CDH4: variants seen among roughly 807,000 people sequenced by gnomAD.
CDH4 encodes the protein cadherin-4.
A neutral mutation model predicts 86.0 loss-of-function variants in CDH4; 33 were observed. The ratio of observed to expected loss-of-function variants is 0.38; its 90% CI spans 0.29 to 0.51. The LOEUF is 0.51. Among genes scored for constraint, CDH4 ranks in the 20% least tolerant of loss-of-function variants. The probability of loss-of-function intolerance (pLI) is 0.86; values close to 1 mark genes in which losing one functional copy is unlikely to be tolerated. For missense variants in CDH4, 1,114 were observed against 1,307.4 expected (o/e 0.85, Z 2.28); for synonymous variants, 555 against 549.4 (o/e 1.01, Z -0.14).
chr20:61,552,865 GA>G (rs59080880), intron 2 of CDH4, among the ~76,000 whole-genome samples: 64,918 of 148,510 alleles, frequency 0.44, 14,896 homozygotes, highest in African/African-American at 0.6. Context: ...CCACTGTAAA[GA>G]AAAAAAAAAA....
intron 2 of CDH4, among the ~76,000 whole-genome samples, chr20:61,698,977 C>T (rs2087744209): frequency 6.6e-6 from 1 of 152,262 alleles, no homozygotes; most frequent in Admixed American, 6.5e-5. Context: ...GTGGTTGCAT[C>T]CCGTTACAGA....
At chr20:61,337,965 CA>C (rs988716960) in intron 2 of CDH4, among the ~76,000 whole-genome samples, 16 of 152,088 alleles carry the variant, frequency 1.1e-4, no homozygotes, top group Non-Finnish European at 1.8e-4. Flanking sequence ...ATAGCATTTA[CA>C]GTTTTCTTAT....
At chr20:61,354,329 C>A (rs559499286) in intron 2 of CDH4, among the ~76,000 whole-genome samples, 1 of 152,290 alleles carries the variant, frequency 6.6e-6, no homozygotes, top group African/African-American at 2.4e-5. Flanking sequence ...AATCATTCTC[C>A]TTTGAATTCC....
At chr20:61,411,064 A>G (rs2085116461) in intron 2 of CDH4, among the ~76,000 whole-genome samples, 1 of 149,096 alleles carries the variant, frequency 6.7e-6, no homozygotes, top group Non-Finnish European at 1.5e-5. Context: ...CCATCTTCCT[A>G]CTTGTTAGCC....
intron 2 of CDH4, among the ~76,000 whole-genome samples, chr20:61,674,524 C>G (rs2087425905): frequency 6.6e-6 from 1 of 152,138 alleles, no homozygotes. Flanking sequence ...TCAGCAGGGC[C>G]CACCACTTGG....
chr20:61,522,901 G>A (rs1279486401), intron 2 of CDH4, among the ~76,000 whole-genome samples: 1 of 152,248 alleles, frequency 6.6e-6, no homozygotes. Flanking sequence ...GTGTTCTGCT[G>A]TACACAGAGT....
At chr20:61,806,864 C>T (rs1420866637) in intron 4 of CDH4, among the ~76,000 whole-genome samples, 1 of 152,120 alleles carries the variant, frequency 6.6e-6, no homozygotes, top group African/African-American at 2.4e-5. Flanking sequence ...TGTGCCTGTT[C>T]CTGTCTCCTG....
intron 3 of CDH4, among the ~76,000 whole-genome samples, chr20:61,759,061 CGCATGTGCATATTTGTGCAT>C: frequency 6.6e-6 from 1 of 152,260 alleles, no homozygotes; most frequent in East Asian, 1.9e-4. Flanking sequence ...TGTGTGTGCA[CGCATGTGCATATTTGTGCAT>C]GCATGTGTGC....
intron 2 of CDH4, among the ~76,000 whole-genome samples, chr20:61,660,427 C>T (rs2087240345): frequency 6.6e-6 from 1 of 152,224 alleles, no homozygotes; most frequent in Non-Finnish European, 1.5e-5. Flanking sequence ...TCGAAGTGTT[C>T]ATCATCGAAG....
At chr20:61,706,503 G>A (rs531228655) in intron 2 of CDH4, among the ~76,000 whole-genome samples, 28 of 152,304 alleles carry the variant, frequency 1.8e-4, no homozygotes, top group South Asian at 1.0e-3. Flanking sequence ...GTTCAGGAAC[G>A]GAGAAAGTTT....
chr20:61,881,601 A>G (rs1984279166), intron 7 of CDH4, among the ~76,000 whole-genome samples: 1 of 152,170 alleles, frequency 6.6e-6, no homozygotes, highest in African/African-American at 2.4e-5. Context: ...CTGGGGTCGT[A>G]GCTGGAGCAG....
At chr20:61,485,295 C>T (rs968388986) in intron 2 of CDH4, among the ~76,000 whole-genome samples, 4 of 152,282 alleles carry the variant, frequency 2.6e-5, no homozygotes, top group Admixed American at 6.5e-5. Flanking sequence ...CACCCTCCAA[C>T]GCTTGGCTGG....
intron 2 of CDH4, among the ~76,000 whole-genome samples, chr20:61,531,488 AAAAAAAAG>A (rs1326249612): frequency 7.4e-5 from 11 of 148,658 alleles, no homozygotes; most frequent in African/African-American, 2.9e-4. Flanking sequence ...AAAAAAAAAA[AAAAAAAAG>A]GGATTTAGCA....
intron 2 of CDH4, among the ~76,000 whole-genome samples, chr20:61,562,083 T>G (rs2086220956): frequency 8.8e-6 from 1 of 113,706 alleles, no homozygotes; most frequent in African/African-American, 3.6e-5. Flanking sequence ...GGGGCCTCCG[T>G]GTGGAGAGGT....
Position 61,934,199 on chromosome 20 carries a change from C to T in CDH4, c.2523C>T (p.Asp841=). The T allele has an allele frequency of 7.0e-6, 11 of 1,571,842 alleles. No homozygotes were observed. Among genetic ancestry groups the T allele is most frequent in the Non-Finnish European group, 9.5e-6 (11 of 1,154,112 alleles). Residue 841 remains aspartate (D), a synonymous_variant, in exon 15 of 16, where the codon GAC becomes GAT. Coordinates refer to ENST00000614565, the MANE Select transcript of CDH4 (RefSeq NM_001794.5). ...GGCCCATGGTGCCGCACCCAGGCGA[C>T]ATCGGTGACTTCATCAATGAGGTGT... is the stretch of plus-strand genomic sequence containing the variant. The part of the protein sequence containing the change: ...PIRPMVPHPG[D]IGDFINEGLR...
At position 61,754,822 on chromosome 20, in the gene CDH4, C is replaced by CCACACACCACACACATGCCCCA. The variant is rs1568796974; in HGVS notation, c.396+11047_396+11068dup. Reference sequence around the variant, plus strand: ...ACACACACCACACACACGATGCATGCCACACACCACACACATGCCCCACAC... The same window carrying CCACACACCACACACATGCCCCA: ...ACACACACCACACACACGATGCATGCCACACACCACACACATGCCCCACACACACCACACACATGCCCCACAC... On this transcript the variant is annotated intron_variant, in intron 3 of 15. Coordinates refer to ENST00000614565, the MANE Select transcript of CDH4 (RefSeq NM_001794.5). The surrounding 1 kb of genome is among the most constrained non-coding windows in gnomAD (Gnocchi z 4.7). 6.9e-6 allele frequency among the ~76,000 whole-genome samples: 1 copy of CCACACACCACACACATGCCCCA among 145,388 alleles called. No individual in the cohort carries two copies. The highest frequency in any genetic ancestry group is 1.5e-5 in the Non-Finnish European group (1 of 66,142).
At chr20:61,733,028 G>GC (rs1407000253) in intron 2 of CDH4, among the ~76,000 whole-genome samples, 2 of 151,758 alleles carry the variant, frequency 1.3e-5, no homozygotes, top group African/African-American at 4.8e-5. Context: ...GAAAACGGGG[G>GC]TGCTCTGGGC....
At chr20:61,554,758 T>C (rs182871011) in intron 2 of CDH4, among the ~76,000 whole-genome samples, 2 of 152,356 alleles carry the variant, frequency 1.3e-5, no homozygotes, top group East Asian at 1.9e-4. Flanking sequence ...CATGAACATA[T>C]ATGTGCATAT....
chr20:61,362,044 TGAA>T (rs995270392), intron 2 of CDH4, among the ~76,000 whole-genome samples: 4 of 152,008 alleles, frequency 2.6e-5, no homozygotes, highest in African/African-American at 9.7e-5. Flanking sequence ...TGGGTGCTGG[TGAA>T]GAAGATGCAG....
Sources: gnomAD v4.1 joint callset for allele counts (sites outside exome capture counted in the v4.1 genomes callset) on GRCh38, gnomAD v4.1.1 for gene constraint, Gnocchi (gnomAD v3.1) non-coding constraint, MANE v1.5 for transcripts, NCBI Gene and HGNC (gene_info 2026-07-23, HGNC 2026-07-21) for gene names.